The following STK24 variants were observed in gnomAD, a reference collection of about 807,000 sequenced individuals.
STK24 encodes serine/threonine kinase 24, also known as serine/threonine-protein kinase 24.
Under a neutral mutation model 55.6 loss-of-function variants are expected in STK24, and 21 were observed. The ratio of observed to expected loss-of-function variants is 0.38; its 90% CI spans 0.27 to 0.54. STK24 has a LOEUF of 0.54. Among genes scored for constraint, STK24 ranks in the 20% least tolerant of loss-of-function variants. The pLI is 0.79. For synonymous variants in STK24, 200 were observed against 215.2 expected (o/e 0.93, Z 0.62); for missense variants, 383 against 538.4 (o/e 0.71, Z 2.86).
intron 1 of STK24, among the ~76,000 whole-genome samples, chr13:98,524,170 C>T (rs1896352094): frequency 2.6e-5 from 4 of 152,148 alleles, no homozygotes; most frequent in African/African-American, 7.2e-5. Flanking sequence ...CCCTGGGGAC[C>T]GGAAGGCAAC....
At chr13:98,468,347 G>A (rs137965849) in intron 5 of STK24, among the ~76,000 whole-genome samples, 3 of 152,324 alleles carry the variant, frequency 2.0e-5, no homozygotes, top group Admixed American at 6.5e-5. Context: ...CTACAACTTG[G>A]ACTCTGCTTT....
At chr13:98,549,242 C>T (rs1394862475) in intron 1 of STK24, among the ~76,000 whole-genome samples, 4 of 152,224 alleles carry the variant, frequency 2.6e-5, no homozygotes, top group Non-Finnish European at 4.4e-5. Context: ...TAAACAACAT[C>T]GATTCATTGC....
intron 5 of STK24, among the ~76,000 whole-genome samples, chr13:98,471,809 C>A (rs963793234): frequency 6.6e-6 from 1 of 152,192 alleles, no homozygotes; most frequent in Admixed American, 6.5e-5. Context: ...CTTCTCCCAA[C>A]CCACCCTTCC....
At position 98,535,365 on chromosome 13, in the gene STK24, AAAAAAATAT is replaced by A. The variant is rs1166747324; in HGVS notation, c.43-15901_43-15893del. 2.9e-3 allele frequency among the ~76,000 whole-genome samples: 296 copies of A among 102,394 alleles called. 1 individual carries two copies. The highest frequency in any genetic ancestry group is 6.1e-3 in the Admixed American group (63 of 10,338). The allele number at this position is 102,394 out of a possible 152,430, so 67.2% of individuals were successfully genotyped here. On this transcript the variant is annotated intron_variant, in intron 1 of 10. Transcript: ENST00000539966. Reference sequence around the variant, plus strand: ...ACAAACAAACAAACAAACAAACAAAAAAAAAATATATATATATATATATATGTGTGTATA... The same window carrying A: ...ACAAACAAACAAACAAACAAACAAAAATATATATATATATATGTGTGTATA...
intron 1 of STK24, among the ~76,000 whole-genome samples, chr13:98,555,604 A>T (rs1897268720): frequency 6.6e-6 from 1 of 151,902 alleles, no homozygotes; most frequent in Non-Finnish European, 1.5e-5. Flanking sequence ...TAAATAAATA[A>T]AAACCTCACT....
chr13:98,465,440 C>T (rs1893891276), intron 6 of STK24, among the ~76,000 whole-genome samples: 1 of 152,202 alleles, frequency 6.6e-6, no homozygotes, highest in Admixed American at 6.5e-5. Context: ...CACATCTCCA[C>T]TGGTGCTGGT....
At chr13:98,509,139 A>C (rs896776373) in intron 2 of STK24, among the ~76,000 whole-genome samples, 1 of 152,238 alleles carries the variant, frequency 6.6e-6, no homozygotes, top group Admixed American at 6.5e-5. Context: ...TAAACACATT[A>C]AACTATAGAA....
intron 2 of STK24, among the ~76,000 whole-genome samples, chr13:98,502,589 GGTTT>G (rs1335509994): frequency 1.3e-5 from 2 of 152,154 alleles, no homozygotes; most frequent in African/African-American, 4.8e-5. Context: ...TTCAGGAACA[GGTTT>G]GTTATCGTGA....
chr13:98,572,212 C>T (rs1249285664), intron 1 of STK24, among the ~76,000 whole-genome samples: 1 of 152,190 alleles, frequency 6.6e-6, no homozygotes, highest in African/African-American at 2.4e-5. Flanking sequence ...CTGAACTCTG[C>T]CTCCAACGAC....
At chr13:98,537,797 A>G (rs915224795) in intron 1 of STK24, among the ~76,000 whole-genome samples, 3 of 152,064 alleles carry the variant, frequency 2.0e-5, no homozygotes, top group Non-Finnish European at 2.9e-5. Flanking sequence ...AGCTCTGATG[A>G]GGGATTCGAT....
chr13:98,504,532 G>C (rs1399576735), intron 2 of STK24, among the ~76,000 whole-genome samples: 1 of 152,234 alleles, frequency 6.6e-6, no homozygotes, highest in East Asian at 1.9e-4. Context: ...CTCCTTTAAT[G>C]CAAGAAGGGA....
intron 1 of STK24, among the ~76,000 whole-genome samples, chr13:98,531,296 G>C (rs914345306): frequency 2.0e-5 from 3 of 152,132 alleles, no homozygotes; most frequent in Admixed American, 2.0e-4. Context: ...TACACATGCA[G>C]GGATATGTAC....
chr13:98,447,148 TCATTTAG>T lies in STK24; in HGVS notation c.*6018_*6024del, dbSNP rs974500206. ...GGTGTAATGGCAGGGACTGCAGACTTCATTTAGCCAAGAAAGAAATGCAACAGTCAGG... is the reference window on the plus strand; with the variant it reads ...GGTGTAATGGCAGGGACTGCAGACTTCCAAGAAAGAAATGCAACAGTCAGG... On this transcript the variant is annotated 3_prime_UTR_variant, in exon 11 of 11. Transcript: ENST00000539966. The T allele has an allele frequency of 9.1e-6, 2 of 220,684 alleles. No homozygotes were observed. The highest frequency in any genetic ancestry group is 1.8e-5 in the Non-Finnish European group (2 of 110,508). 13.7% of individuals were successfully genotyped at this position (220,684 alleles called of 1,614,324 possible). A position where few individuals can be genotyped will look rare whatever the true frequency, so the allele number is the denominator to read the frequency against.
intron 5 of STK24, among the ~76,000 whole-genome samples, chr13:98,474,362 G>A (rs1436876441): frequency 6.6e-6 from 1 of 152,116 alleles, no homozygotes; most frequent in African/African-American, 2.4e-5. Flanking sequence ...CCATTCTCAC[G>A]CTTCCGTGGA....
At chr13:98,476,686 A>G (rs1425143637) in intron 3 of STK24, among the ~76,000 whole-genome samples, 1 of 152,116 alleles carries the variant, frequency 6.6e-6, no homozygotes, top group Non-Finnish European at 1.5e-5. Context: ...GGGGCAACCG[A>G]GACAGCCCTT....
Position 98,482,408 on chromosome 13 carries a change from A to G in STK24, c.274-87T>C, listed in dbSNP as rs1019775271. ...TAATCAAAGGGTATTTTTCACAATT[A>G]TATTGGAACTAGAAAGTTTTACAAA... is the stretch of plus-strand genomic sequence containing the variant. On this transcript the variant is annotated intron_variant, in intron 2 of 10. Coordinates refer to ENST00000539966, the MANE Select transcript of STK24 (RefSeq NM_001032296.4). 35 of 720,532 alleles carry G rather than the reference A, an allele frequency of 4.9e-5. No individual in the cohort carries two copies. In the African/African-American group the frequency reaches 5.1e-4, roughly 10 times the overall value. 44.6% of individuals were successfully genotyped at this position (720,532 alleles called of 1,614,324 possible). A position where few individuals can be genotyped will look rare whatever the true frequency, so the allele number is the denominator to read the frequency against.
At chr13:98,544,053 T>C (rs1487487437) in intron 1 of STK24, among the ~76,000 whole-genome samples, 1 of 152,144 alleles carries the variant, frequency 6.6e-6, no homozygotes, top group Non-Finnish European at 1.5e-5. Flanking sequence ...AGCCATTAAA[T>C]GAAAGGTGCA....
At chr13:98,529,703 A>AGG (rs1896532084) in intron 1 of STK24, among the ~76,000 whole-genome samples, 1 of 152,160 alleles carries the variant, frequency 6.6e-6, no homozygotes, top group Middle Eastern at 3.4e-3. Flanking sequence ...ACCACCAAAC[A>AGG]GGGGGGTCCA....
intron 2 of STK24, among the ~76,000 whole-genome samples, chr13:98,483,373 G>A (rs1338151478): frequency 6.6e-6 from 1 of 152,192 alleles, no homozygotes; most frequent in Non-Finnish European, 1.5e-5. Context: ...TCAGGACTCG[G>A]TGGTGGCTTT....
Sources: gnomAD v4.1 joint callset for allele counts (sites outside exome capture counted in the v4.1 genomes callset) on GRCh38, gnomAD v4.1.1 for gene constraint, MANE v1.5 for transcripts, NCBI Gene and HGNC (gene_info 2026-07-23, HGNC 2026-07-21) for gene names.